Variants in STXBP4 observed in about 807,000 individuals in gnomAD.
The protein encoded by STXBP4 is syntaxin binding protein 4, also known as syntaxin-binding protein 4.
In STXBP4, 55 loss-of-function variants were observed where a neutral mutation model predicts 76.1. The ratio of observed to expected loss-of-function variants is 0.72; its 90% CI spans 0.58 to 0.91. The LOEUF is 0.91. Ranked by LOEUF, STXBP4 falls within the 40% of genes least tolerant of loss-of-function variation. STXBP4 has a pLI of 0.00. For missense variants in STXBP4, 618 were observed against 636.9 expected, an observed-to-expected ratio of 0.97 and a Z score of 0.32; for synonymous variants, 201 against 220.2, an observed-to-expected ratio of 0.91 and a Z score of 0.77.
the STXBP4 span, among the ~76,000 whole-genome samples, chr17:55,185,251 C>CTTCTTCTTCTTCTT: frequency 3.6e-4 from 18 of 49,368 alleles, 1 homozygote; most frequent in African/African-American, 1.2e-3. Context: ...TTCTTCTTCT[C>CTTCTTCTTCTTCTT]CTTCTCCTTC....
chr17:55,057,884 C>A (rs1484978236), intron 12 of STXBP4, among the ~76,000 whole-genome samples: 1 of 152,092 alleles, frequency 6.6e-6, no homozygotes, highest in East Asian at 1.9e-4. Context: ...GACATGAAGT[C>A]TTTTCTTTTT....
At chr17:55,109,393 T>C (rs1387186391) in intron 16 of STXBP4, among the ~76,000 whole-genome samples, 2 of 152,092 alleles carry the variant, frequency 1.3e-5, no homozygotes, top group African/African-American at 4.8e-5. Context: ...ATTGATTTAT[T>C]GCTGTGTACA....
chr17:55,122,868 C>T (rs1463004920), intron 16 of STXBP4, among the ~76,000 whole-genome samples: 2 of 152,070 alleles, frequency 1.3e-5, no homozygotes, highest in South Asian at 2.1e-4. Context: ...TTTTGAGTTA[C>T]AAGTATTTTA....
intron 1 of STXBP4, among the ~76,000 whole-genome samples, chr17:54,984,396 G>GCAGT (rs1041049113): frequency 1.4e-5 from 2 of 140,804 alleles, no homozygotes; most frequent in African/African-American, 2.7e-5. Context: ...AGGCTGGAGT[G>GCAGT]CAGTGGCACG....
rs761818458 is a variant in STXBP4 at position 55,034,197 on chromosome 17, T to G, written c.793T>G (p.Cys265Gly). The G allele has an allele frequency of 1.9e-6, 3 of 1,612,652 alleles. No individual in the cohort carries two copies. In the South Asian group the frequency reaches 3.3e-5, roughly 18 times the overall value. ...TGTCCAGGTTGCCAGAAACTTGTTT[T>G]GCTTGCAGTTGGATGAAGTAAATGT... ...DFVQVARNLFCLQLDEVNVGA... is the reference protein window; with the variant it reads ...DFVQVARNLFGLQLDEVNVGA... The change falls in exon 10 of 18, where the codon TGC becomes GGC. Residue 265 changes from cysteine (C) to glycine (G), a missense_variant. Cys to Gly is a radical substitution (Grantham distance 159). Transcript: ENST00000376352.
At chr17:55,121,898 C>T (rs1200294130) in intron 16 of STXBP4, among the ~76,000 whole-genome samples, 1 of 151,914 alleles carries the variant, frequency 6.6e-6, no homozygotes, top group African/African-American at 2.4e-5. Context: ...TTTTTACGCC[C>T]CCAAGACGAA....
intron 17 of STXBP4, among the ~76,000 whole-genome samples, chr17:55,156,374 T>C (rs2080276978): frequency 6.6e-6 from 1 of 152,170 alleles, no homozygotes; most frequent in Admixed American, 6.6e-5. Flanking sequence ...TCATACCGAT[T>C]ATGTCAAAGC....
intron 8 of STXBP4, among the ~76,000 whole-genome samples, chr17:55,018,457 C>T (rs545197551): frequency 1.3e-5 from 2 of 152,250 alleles, no homozygotes; most frequent in East Asian, 3.9e-4. Context: ...AGAGTGAAAA[C>T]AGAGCTCCCA....
chr17:54,985,992 A>G (rs890479423), intron 2 of STXBP4, 150 bp from the exon 3 acceptor site: 1 of 510,332 alleles, frequency 2.0e-6, no homozygotes, highest in Non-Finnish European at 3.4e-6. Context: ...ATAAAATGCC[A>G]TAACACAAAA....
Position 55,166,470 on chromosome 17 carries a change from GAGTC to G in STXBP4, c.*6560_*6563del. The G allele has an allele frequency of 6.6e-6, 1 of 152,124 alleles. No homozygotes were observed. The highest frequency in any genetic ancestry group is 1.5e-5 in the Non-Finnish European group (1 of 68,044). 9.4% of individuals were successfully genotyped at this position (152,124 alleles called of 1,614,324 possible). A position where few individuals can be genotyped will look rare whatever the true frequency, so the allele number is the denominator to read the frequency against. On this transcript the variant is annotated 3_prime_UTR_variant, in exon 18 of 18. Transcript: ENST00000376352. ...AGTTCCCTAGCACCTTCTACTATCT[GAGTC>G]CCTGGCTTTCTCCCTAGCCTCATGT...
At chr17:55,042,413 TTTTA>T (rs1456525003) in intron 10 of STXBP4, among the ~76,000 whole-genome samples, 2 of 152,216 alleles carry the variant, frequency 1.3e-5, no homozygotes, top group East Asian at 3.9e-4. Flanking sequence ...TATTAATTGT[TTTTA>T]TTATTTTTTT....
chr17:55,131,306 A>G (rs1466958426), intron 16 of STXBP4, among the ~76,000 whole-genome samples: 3 of 152,264 alleles, frequency 2.0e-5, no homozygotes, highest in South Asian at 4.1e-4. Flanking sequence ...GGCCATTTGT[A>G]TGTCCTCTTT....
At chr17:55,195,541 G>T in the STXBP4 span, among the ~76,000 whole-genome samples, 39 of 152,214 alleles carry the variant, frequency 2.6e-4, no homozygotes, top group Admixed American at 9.2e-4. Context: ...CAACAACTCG[G>T]ACTCAAGTGG....
chr17:55,172,569 A>C lies in STXBP4; in HGVS notation c.*12658A>C, dbSNP rs375996489. 2 of 152,320 alleles carry C rather than the reference A, an allele frequency of 1.3e-5. No homozygotes were observed. The highest frequency in any genetic ancestry group is 1.3e-4 in the Admixed American group (2 of 15,288). 9.4% of individuals were successfully genotyped at this position (152,320 alleles called of 1,614,324 possible). A position where few individuals can be genotyped will look rare whatever the true frequency, so the allele number is the denominator to read the frequency against. On this transcript the variant is annotated 3_prime_UTR_variant, in exon 18 of 18. Coordinates refer to ENST00000376352, the MANE Select transcript of STXBP4 (RefSeq NM_178509.6). ...CTTTAATAATACTTTTATTTTTCCAAATTTGAAGACTGTCCCTAAGTCATT... is the reference window on the plus strand; with the variant it reads ...CTTTAATAATACTTTTATTTTTCCACATTTGAAGACTGTCCCTAAGTCATT...
chr17:55,097,810 A>G (rs1164135010), intron 16 of STXBP4, among the ~76,000 whole-genome samples: 1 of 152,198 alleles, frequency 6.6e-6, no homozygotes, highest in Non-Finnish European at 1.5e-5. Flanking sequence ...TAAGGTTCCA[A>G]TGCCAACTCT....
intron 17 of STXBP4, among the ~76,000 whole-genome samples, chr17:55,141,616 T>C (rs1241623941): frequency 6.6e-6 from 1 of 152,206 alleles, no homozygotes; most frequent in African/African-American, 2.4e-5. Flanking sequence ...TCATTTGAAC[T>C]TAGGCTGGCT....
rs1016806381 is a variant in STXBP4 at position 54,979,981 on chromosome 17, T to C, written c.-156-5633T>C. 3.9e-5 allele frequency among the ~76,000 whole-genome samples: 6 copies of C among 152,352 alleles called. No homozygotes were observed. The East Asian group carries it at 1.2e-3, about 29-fold the overall frequency. ...ATTCTAGATGTATTATTTTAGACTTTGCAATGACAGCTTAATAAATCATCT... is the reference window on the plus strand; with the variant it reads ...ATTCTAGATGTATTATTTTAGACTTCGCAATGACAGCTTAATAAATCATCT... On this transcript the variant is annotated intron_variant, in intron 1 of 17. Coordinates refer to ENST00000376352, the MANE Select transcript of STXBP4 (RefSeq NM_178509.6).
At chr17:54,992,787 T>G (rs2144422135) in intron 4 of STXBP4, among the ~76,000 whole-genome samples, 1 of 144,056 alleles carries the variant, frequency 6.9e-6, no homozygotes, top group Non-Finnish European at 1.5e-5. Flanking sequence ...CTCGGCTCAC[T>G]GCAACCTCCA....
chr17:55,151,664 G>T lies in STXBP4; in HGVS notation c.1548-8133G>T, dbSNP rs144088866. On this transcript the variant is annotated intron_variant, in intron 17 of 17. Transcript: ENST00000376352. Reference sequence around the variant, plus strand: ...TCCAGTGTGGTAAAATCACTTCTACGGTTTAGGGACCGAAGGGAAGCGTGA... The same window carrying T: ...TCCAGTGTGGTAAAATCACTTCTACTGTTTAGGGACCGAAGGGAAGCGTGA... Among the ~76,000 whole-genome samples, 503 of 152,230 alleles carry T rather than the reference G, an allele frequency of 3.3e-3. 2 individuals are homozygous for T. The highest frequency in any genetic ancestry group is 0.011 in the African/African-American group (464 of 41,540).
Sources: allele counts gnomAD v4.1 joint callset (sites outside exome capture counted in the v4.1 genomes callset), GRCh38; gene constraint gnomAD v4.1.1; transcripts MANE v1.5; gene names NCBI Gene and HGNC (gene_info 2026-07-23, HGNC 2026-07-21).